Variants in C4orf51 observed in about 807,000 individuals in gnomAD.
The protein encoded by C4orf51 is uncharacterized protein C4orf51.
Under a neutral mutation model 25.2 loss-of-function variants are expected in C4orf51, and 25 were observed. That is an observed-to-expected ratio of 0.99 (90% CI 0.72 to 1.39). The LOEUF (loss-of-function observed/expected upper bound fraction) is 1.39. Among genes scored for constraint, C4orf51 ranks in the 40% most tolerant of loss-of-function variants. The pLI is 0.00. For synonymous variants in C4orf51, 100 were observed against 84.5 expected (o/e 1.18, Z -1.01); for missense variants, 252 against 239.6 (o/e 1.05, Z -0.34).
chr4:145,702,975 C>T (rs1202736110), intron 2 of C4orf51, among the ~76,000 whole-genome samples: 1 of 151,596 alleles, frequency 6.6e-6, no homozygotes, highest in Non-Finnish European at 1.5e-5. Flanking sequence ...TCTCTCCATA[C>T]CACCCCCCCA....
chr4:145,789,645 G>T, the C4orf51 span, among the ~76,000 whole-genome samples: 14 of 152,072 alleles, frequency 9.2e-5, no homozygotes, highest in African/African-American at 3.4e-4. Context: ...TCCCAAACCC[G>T]AATCTGTCTG....
chr4:145,733,898 AGT>A (rs2126781151), downstream of C4orf51, among the ~76,000 whole-genome samples: 1 of 152,324 alleles, frequency 6.6e-6, no homozygotes, highest in Non-Finnish European at 1.5e-5. Context: ...TTCCGAGTCT[AGT>A]ACCTCATGAT....
chr4:145,732,114 G>A (rs960419963), intron 5 of C4orf51, among the ~76,000 whole-genome samples: 11 of 152,174 alleles, frequency 7.2e-5, no homozygotes, highest in African/African-American at 2.7e-4. Flanking sequence ...AGAAGTTCCT[G>A]ATGGAAACTG....
intron 1 of C4orf51, among the ~76,000 whole-genome samples, chr4:145,741,399 A>G (rs1349964717): frequency 6.6e-6 from 1 of 152,182 alleles, no homozygotes; most frequent in Non-Finnish European, 1.5e-5. Context: ...ACTAAATTTT[A>G]TCTGTGTAGC....
chr4:145,748,285 C>A (rs982834927), intron 1 of C4orf51, among the ~76,000 whole-genome samples: 3 of 151,716 alleles, frequency 2.0e-5, no homozygotes, highest in Non-Finnish European at 3.0e-5. Flanking sequence ...CTCTTTTTTT[C>A]TTAGCTAGTC....
At position 145,704,235 on chromosome 4, in the gene C4orf51, T is replaced by C. The variant is rs563895385; in HGVS notation, c.307+7603T>C. ...AAGGTGTCAGTTCATCTGTCAGTAT[T>C]GGAGGAAAAAGTTTTAAATAAATAA... On this transcript the variant is annotated intron_variant, in intron 2 of 5. Coordinates refer to ENST00000438731, the MANE Select transcript of C4orf51 (RefSeq NM_001080531.3). 2.0e-5 allele frequency among the ~76,000 whole-genome samples: 3 copies of C among 152,290 alleles called. No homozygotes were observed. The South Asian group carries it at 6.2e-4, about 32-fold the overall frequency.
At chr4:145,719,135 C>T (rs1160601839) in intron 2 of C4orf51, among the ~76,000 whole-genome samples, 1 of 152,172 alleles carries the variant, frequency 6.6e-6, no homozygotes, top group African/African-American at 2.4e-5. Context: ...TGGCACAGGG[C>T]ATCACACAGA....
rs75160768 is a variant in C4orf51, at chr4:145,682,367, A to G, written c.233+1931A>G. Among the ~76,000 whole-genome samples the G allele has an allele frequency of 9.8e-5, 15 of 152,304 alleles. No homozygotes were observed. In the East Asian group the frequency reaches 1.7e-3, roughly 18 times the overall value. ...ATTTGCTTTGTTTTTAATCTTTTTCATGGCTAATTTTAGCCCCAAGGACAA... is the reference window on the plus strand; with the variant it reads ...ATTTGCTTTGTTTTTAATCTTTTTCGTGGCTAATTTTAGCCCCAAGGACAA... On this transcript the variant is annotated intron_variant, in intron 1 of 5. Coordinates refer to ENST00000438731, the MANE Select transcript of C4orf51 (RefSeq NM_001080531.3).
chr4:145,768,916 T>TATATATATATATATATATATATATAAA (rs34051922), intron 1 of C4orf51, among the ~76,000 whole-genome samples: 2 of 34,414 alleles, frequency 5.8e-5, no homozygotes, highest in African/African-American at 1.0e-4. Flanking sequence ...TATATATATA[T>TATATATATATATATATATATATATAAA]TAGGTATACA....
chr4:145,754,848 A>C (rs1348162703), downstream of C4orf51, among the ~76,000 whole-genome samples: 2 of 152,200 alleles, frequency 1.3e-5, no homozygotes, highest in Non-Finnish European at 2.9e-5. Flanking sequence ...AGGCAGGAGA[A>C]TTGCTTGAAC....
At chr4:145,727,857 G>A (rs1485914717) in intron 3 of C4orf51, among the ~76,000 whole-genome samples, 2 of 139,374 alleles carry the variant, frequency 1.4e-5, no homozygotes, top group African/African-American at 5.4e-5. Flanking sequence ...ACCGCAGCCT[G>A]GGCAACAAGA....
intron 5 of C4orf51, 21 bp downstream of exon 5, chr4:145,729,986 C>T (rs1732370841): frequency 6.2e-7 from 1 of 1,606,560 alleles, no homozygotes; most frequent in Admixed American, 1.7e-5. Flanking sequence ...TTTTACTTGC[C>T]ATGCAACAGT....
rs747969352 is a variant in C4orf51 at position 145,729,955 on chromosome 4, T to A, written c.491T>A (p.Val164Asp). ...AACTACAGTCGACGAGGGAAAGGTG[T>A]CCTAAAGCATGTAAGAATCTTTTTA... ...LINYSRRGKGVLKHLHGRCDS... is the reference protein window; with the variant it reads ...LINYSRRGKGDLKHLHGRCDS... The change falls in exon 5 of 6, where the codon GTC becomes GAC. Residue 164 changes from valine (V) to aspartate (D), a missense_variant. Val to Asp is a radical substitution (Grantham distance 152). Transcript: ENST00000438731. 4.3e-6 allele frequency: 7 copies of A among 1,613,778 alleles called. No individual in the cohort carries two copies. In the South Asian group the frequency reaches 6.6e-5, roughly 15 times the overall value.
In C4orf51 at chr4:145,740,680, A is replaced by T. The variant is rs572692166; in HGVS notation, n.167+8061A>T. On this transcript the variant is annotated intron_variant and non_coding_transcript_variant, in intron 1 of 1. Transcript: ENST00000508981. ...AAAGTACTCCCCTCAAAACCCTTAA[A>T]TTTTCACTTCTTCTGGATTTGCCGC... is the stretch of plus-strand genomic sequence containing the variant. Among the ~76,000 whole-genome samples, 6 of 152,212 alleles carry T rather than the reference A, an allele frequency of 3.9e-5. No homozygotes were observed. In the East Asian group the frequency reaches 7.7e-4, roughly 20 times the overall value.
chr4:145,719,225 T>A (rs909995100), intron 2 of C4orf51, among the ~76,000 whole-genome samples: 3 of 152,148 alleles, frequency 2.0e-5, no homozygotes, highest in Non-Finnish European at 2.9e-5. Flanking sequence ...ACAACCTACT[T>A]CTTTATAGGG....
chr4:145,757,173 T>C (rs998072391), downstream of C4orf51, among the ~76,000 whole-genome samples: 8 of 152,238 alleles, frequency 5.3e-5, no homozygotes, highest in East Asian at 1.5e-3. Flanking sequence ...TACTTGCATT[T>C]GGATAGATTA....
intron 5 of C4orf51, 113 bp downstream of exon 5, chr4:145,730,078 T>C: frequency 1.2e-6 from 1 of 853,240 alleles, no homozygotes; most frequent in South Asian, 1.4e-5. Context: ...TGTTTAGAGT[T>C]GGTATAAAAG....
At position 145,765,613 on chromosome 4, in the gene C4orf51, G is replaced by A; in HGVS notation, n.167-5375G>A. 6.2e-7 allele frequency: 1 copy of A among 1,614,146 alleles called. No homozygotes were observed. Among genetic ancestry groups the A allele is most frequent in the Non-Finnish European group, 8.5e-7 (1 of 1,180,026 alleles). ...CCAGGCATGACAGAGATGACCAGCA[G>A]ATTGTTCCCGCCCTTGTTTTTCTGG... On this transcript the variant is annotated intron_variant and non_coding_transcript_variant, in intron 1 of 1. Transcript: ENST00000510096. The surrounding 1 kb of genome is among the most constrained non-coding windows in gnomAD (Gnocchi z 4.7).
rs747657452 is a variant in C4orf51, at chr4:145,696,527, T to C, written c.234-32T>C. 4 of 1,542,002 alleles carry C rather than the reference T, an allele frequency of 2.6e-6. No individual in the cohort carries two copies. The Admixed American group carries it at 6.8e-5, about 26-fold the overall frequency. Reference sequence around the variant, plus strand: ...CATGTGATTTATAAATCCATAAATTTGTAACTTGTTTCTTCTACTTGCTTT... The same window carrying C: ...CATGTGATTTATAAATCCATAAATTCGTAACTTGTTTCTTCTACTTGCTTT... On this transcript the variant is annotated intron_variant, in intron 1 of 5. Coordinates refer to ENST00000438731, the MANE Select transcript of C4orf51 (RefSeq NM_001080531.3).
Sources: allele counts gnomAD v4.1 joint callset (sites outside exome capture counted in the v4.1 genomes callset), GRCh38; gene constraint gnomAD v4.1.1; non-coding constraint Gnocchi (gnomAD v3.1); transcripts MANE v1.5; gene names NCBI Gene and HGNC (gene_info 2026-07-23, HGNC 2026-07-21).